ASIC2: variants seen among roughly 807,000 people sequenced by gnomAD.
The protein encoded by ASIC2 is acid sensing ion channel subunit 2.
A neutral mutation model predicts 57.3 loss-of-function variants in ASIC2; 25 were observed. That is an observed-to-expected ratio of 0.44 (90% CI 0.32 to 0.61). The LOEUF (loss-of-function observed/expected upper bound fraction) is 0.61, where lower values mean the gene tolerates loss of function less well. Ranked by LOEUF, ASIC2 falls within the 20% of genes least tolerant of loss-of-function variation. The probability of loss-of-function intolerance (pLI) is 0.06; values close to 1 mark genes in which losing one functional copy is unlikely to be tolerated. For synonymous variants in ASIC2, 319 were observed against 307.5 expected, an observed-to-expected ratio of 1.04 and a Z score of -0.39; for missense variants, 641 against 738.1, an observed-to-expected ratio of 0.87 and a Z score of 1.52.
intron 1 of ASIC2, among the ~76,000 whole-genome samples, chr17:33,157,469 C>A (rs1905037326): frequency 6.6e-6 from 1 of 152,210 alleles, no homozygotes; most frequent in African/African-American, 2.4e-5. Flanking sequence ...AACTCTTCAT[C>A]TGCCTCCTGT....
intron 1 of ASIC2, among the ~76,000 whole-genome samples, chr17:33,702,694 C>T (rs2142070521): frequency 6.6e-6 from 1 of 152,344 alleles, no homozygotes; most frequent in African/African-American, 2.4e-5. Flanking sequence ...GAACAAATGT[C>T]TTGATAACTG....
intron 1 of ASIC2, among the ~76,000 whole-genome samples, chr17:33,763,367 G>T (rs932416881): frequency 2.0e-5 from 3 of 152,192 alleles, no homozygotes; most frequent in African/African-American, 7.2e-5. Flanking sequence ...GGGCAGGAAA[G>T]GGTGGGATGC....
chr17:34,057,815 G>A (rs1361322403), intron 1 of ASIC2, among the ~76,000 whole-genome samples: 3 of 152,140 alleles, frequency 2.0e-5, no homozygotes, highest in Non-Finnish European at 4.4e-5. Context: ...ATGTACCTGT[G>A]CAGGGTACTT....
At chr17:33,849,230 G>T (rs1913696858) in intron 1 of ASIC2, among the ~76,000 whole-genome samples, 1 of 152,178 alleles carries the variant, frequency 6.6e-6, no homozygotes, top group South Asian at 2.1e-4. Context: ...GGTAAGAACT[G>T]GGATCCTGGA....
intron 1 of ASIC2, among the ~76,000 whole-genome samples, chr17:33,199,923 T>C (rs1220522342): frequency 1.3e-5 from 2 of 152,154 alleles, no homozygotes; most frequent in Non-Finnish European, 2.9e-5. Context: ...ACCTGTCTCC[T>C]GCCTCCTTGC....
intron 1 of ASIC2, among the ~76,000 whole-genome samples, chr17:33,263,116 G>A (rs1426972871): frequency 1.3e-5 from 2 of 152,122 alleles, no homozygotes; most frequent in Non-Finnish European, 2.9e-5. Flanking sequence ...TATCCATCTG[G>A]GCATTTTCCG....
intron 1 of ASIC2, among the ~76,000 whole-genome samples, chr17:34,101,323 A>G (rs958573807): frequency 1.3e-5 from 2 of 152,230 alleles, no homozygotes; most frequent in Non-Finnish European, 2.9e-5. Context: ...AACAGTACTC[A>G]GACCTTTAGA....
At chr17:33,381,285 A>G (rs991067305) in intron 1 of ASIC2, among the ~76,000 whole-genome samples, 2 of 152,212 alleles carry the variant, frequency 1.3e-5, no homozygotes, top group Non-Finnish European at 2.9e-5. Context: ...GGAAAACCTG[A>G]CTTGTTTGGA....
At chr17:33,803,467 C>A (rs1912186870) in intron 1 of ASIC2, among the ~76,000 whole-genome samples, 1 of 151,972 alleles carries the variant, frequency 6.6e-6, no homozygotes, top group African/African-American at 2.4e-5. Context: ...AGAGTGTACC[C>A]CAGGGCATGG....
chr17:33,873,289 C>T (rs190955499), intron 1 of ASIC2, among the ~76,000 whole-genome samples: 3 of 152,286 alleles, frequency 2.0e-5, no homozygotes, highest in Admixed American at 1.3e-4. Context: ...ACAAATTACA[C>T]GTAAGCCATG....
chr17:33,241,246 C>A (rs1005883449), intron 1 of ASIC2, among the ~76,000 whole-genome samples: 9 of 152,210 alleles, frequency 5.9e-5, no homozygotes, highest in Non-Finnish European at 1.2e-4. Context: ...TTAAGACTTA[C>A]AGGATATTGG....
At chr17:33,601,510 G>A (rs540395591) in intron 1 of ASIC2, among the ~76,000 whole-genome samples, 1 of 152,338 alleles carries the variant, frequency 6.6e-6, no homozygotes, top group Admixed American at 6.5e-5. Flanking sequence ...GGTGTTTACA[G>A]GGTGCTATTT....
Position 33,291,752 on chromosome 17 carries a change from G to T in ASIC2, c.364C>A (p.Arg122Ser). 6.2e-7 allele frequency: 1 copy of T among 1,613,394 alleles called. No homozygotes were observed. Among genetic ancestry groups the T allele is most frequent in the South Asian group, 1.1e-5 (1 of 91,084 alleles). The stretch of plus-strand genomic sequence containing the variant: ...AAGGGTAACTGGCGGCTCCACTCGC[G>T]GTGCACCCGCGTGTGTGACGGGAAG... ...LSFPSHTRVH[R>S]EWSRQLPFPA... The change falls in exon 1 of 10, where the codon CGC becomes AGC. Residue 122 changes from arginine (R) to serine (S), a missense_variant. This residue lies in a region of ASIC2 where 382 missense variants were observed against 398.0 expected (regional missense o/e 0.96). Transcript: ENST00000225823.
At chr17:33,848,409 G>A (rs1384815227) in intron 1 of ASIC2, among the ~76,000 whole-genome samples, 1 of 152,082 alleles carries the variant, frequency 6.6e-6, no homozygotes, top group Non-Finnish European at 1.5e-5. Flanking sequence ...GCTTGGGAGG[G>A]ATAATGGCAT....
chr17:33,084,825 ACTT>A (rs1482206359), intron 3 of ASIC2, among the ~76,000 whole-genome samples: 2 of 152,214 alleles, frequency 1.3e-5, no homozygotes, highest in Non-Finnish European at 2.9e-5. Flanking sequence ...TAACCAGGGC[ACTT>A]CTTAAGGTTG....
At chr17:34,003,143 A>G (rs2142016407) in intron 1 of ASIC2, 1 of 152,302 alleles carries the variant, frequency 6.6e-6, no homozygotes, top group East Asian at 1.9e-4. Context: ...ATGGAATCCT[A>G]TCTCAAGTAG....
At chr17:33,417,316 G>A (rs773143935) in intron 1 of ASIC2, among the ~76,000 whole-genome samples, 1 of 152,048 alleles carries the variant, frequency 6.6e-6, no homozygotes, top group African/African-American at 2.4e-5. Flanking sequence ...GTCTATAATT[G>A]AATGCTTCCA....
chr17:33,013,885 C>A lies in ASIC2; in HGVS notation c.*80G>T. 1 of 1,267,034 alleles carries A rather than the reference C, an allele frequency of 7.9e-7. No homozygotes were observed. The highest frequency in any genetic ancestry group is 1.3e-5 in the South Asian group (1 of 78,190). The allele number at this position is 1,267,034 out of a possible 1,614,324, so 78.5% of individuals were successfully genotyped here. A position where few individuals can be genotyped will look rare whatever the true frequency, so the allele number is the denominator to read the frequency against. ...CTTCTTTCCAGCACTGGGGCCATCC[C>A]ACCTGAGCTTGCTGTTCCTTGTCCT... On this transcript the variant is annotated 3_prime_UTR_variant, in exon 10 of 10. Coordinates refer to ENST00000225823, the MANE Select transcript of ASIC2 (RefSeq NM_183377.2).
chr17:33,980,942 ATTTT>A (rs34633102), intron 1 of ASIC2: 4 of 130,556 alleles, frequency 3.1e-5, no homozygotes, highest in African/African-American at 1.2e-4. Context: ...CTCAAGTGTA[ATTTT>A]TTTTTTTTTA....
Sources: gnomAD v4.1 joint callset for allele counts (sites outside exome capture counted in the v4.1 genomes callset) on GRCh38, gnomAD v4.1.1 for gene constraint, gnomAD v4.1.1 regional missense constraint, MANE v1.5 for transcripts, NCBI Gene and HGNC (gene_info 2026-07-23, HGNC 2026-07-21) for gene names.